The following SLC14A2 variants were observed in gnomAD, a reference collection of about 807,000 sequenced individuals.
SLC14A2 encodes urea transporter 2.
SLC14A2 carries 91 observed loss-of-function variants against 104.6 expected under a neutral mutation model. The ratio of observed to expected loss-of-function variants is 0.87; its 90% CI spans 0.73 to 1.04. SLC14A2 has a LOEUF of 1.04. SLC14A2 is among the 50% of genes least tolerant of loss of function. SLC14A2 has a pLI of 0.00. For synonymous variants in SLC14A2, 476 were observed against 466.4 expected, an observed-to-expected ratio of 1.02 and a Z score of -0.27; for missense variants, 1,189 against 1,156.0, an observed-to-expected ratio of 1.03 and a Z score of -0.41.
chr18:45,328,254 C>T (rs868180305), intron 1 of SLC14A2, among the ~76,000 whole-genome samples: 1 of 152,094 alleles, frequency 6.6e-6, no homozygotes, highest in African/African-American at 2.4e-5. Flanking sequence ...GTCTGCAGAG[C>T]AAAAAGGAAG....
At chr18:45,197,062 G>T in the SLC14A2 span, among the ~76,000 whole-genome samples, 6 of 152,202 alleles carry the variant, frequency 3.9e-5, no homozygotes, top group African/African-American at 1.4e-4. Flanking sequence ...CGGCTCTTCA[G>T]TGTCAAAAGA....
At chr18:45,344,386 CGCTGGCTG>C (rs200853604) in intron 1 of SLC14A2, among the ~76,000 whole-genome samples, 2 of 152,160 alleles carry the variant, frequency 1.3e-5, no homozygotes, top group African/African-American at 2.4e-5. Flanking sequence ...CCCCAAGTTC[CGCTGGCTG>C]GCTGGCTGGC....
intron 10 of SLC14A2, among the ~76,000 whole-genome samples, chr18:45,659,366 T>G (rs2045896099): frequency 6.6e-6 from 1 of 152,224 alleles, no homozygotes; most frequent in African/African-American, 2.4e-5. Flanking sequence ...GTAAACAAAA[T>G]TTACTCTTGA....
intron 1 of SLC14A2, among the ~76,000 whole-genome samples, chr18:45,423,482 T>C (rs1438750489): frequency 6.6e-6 from 1 of 152,150 alleles, no homozygotes; most frequent in African/African-American, 2.4e-5. Context: ...AATGACAACA[T>C]GCACAAACAG....
intron 2 of SLC14A2, among the ~76,000 whole-genome samples, chr18:45,546,960 T>A (rs559717694): frequency 1.3e-5 from 2 of 152,280 alleles, no homozygotes; most frequent in East Asian, 1.9e-4. Flanking sequence ...AGGAAACACA[T>A]AATCAAACCA....
chr18:45,257,324 A>T (rs1251431266), intron 1 of SLC14A2, among the ~76,000 whole-genome samples: 2 of 152,224 alleles, frequency 1.3e-5, no homozygotes, highest in Non-Finnish European at 2.9e-5. Context: ...CACGTAATAG[A>T]CTAAGTTGTC....
At chr18:45,625,538 C>T in intron 2 of SLC14A2, 145 bp from the exon 3 acceptor site, 1 of 566,008 alleles carries the variant, frequency 1.8e-6, no homozygotes, top group Non-Finnish European at 2.9e-6. Context: ...GCACTCTATG[C>T]AGCCGCAGAC....
intron 10 of SLC14A2, among the ~76,000 whole-genome samples, chr18:45,663,267 T>C (rs1371625889): frequency 6.6e-6 from 1 of 152,192 alleles, no homozygotes; most frequent in Non-Finnish European, 1.5e-5. Context: ...ACACGTTGAG[T>C]AGCAAGAGCT....
chr18:45,403,575 T>A (rs1223031377), intron 1 of SLC14A2, among the ~76,000 whole-genome samples: 4 of 152,156 alleles, frequency 2.6e-5, no homozygotes, highest in Non-Finnish European at 5.9e-5. Flanking sequence ...GCTGGAGGGC[T>A]TGTGCAGTGG....
chr18:45,654,225 C>T (rs116186052), intron 10 of SLC14A2, among the ~76,000 whole-genome samples: 11 of 152,012 alleles, frequency 7.2e-5, no homozygotes, highest in Non-Finnish European at 1.5e-4. Context: ...GGCAGACGTG[C>T]GCCAGGCAAC....
chr18:45,479,308 G>C (rs932253289), intron 1 of SLC14A2, among the ~76,000 whole-genome samples: 6 of 152,120 alleles, frequency 3.9e-5, no homozygotes, highest in Non-Finnish European at 8.8e-5. Flanking sequence ...ATTAATGTTT[G>C]TTAATATTAA....
intron 1 of SLC14A2, among the ~76,000 whole-genome samples, chr18:45,405,812 T>A (rs939979123): frequency 2.6e-5 from 4 of 151,440 alleles, no homozygotes; most frequent in African/African-American, 7.3e-5. Flanking sequence ...GGCAGGAGAA[T>A]TGCTTGAACC....
Position 45,669,296 on chromosome 18 carries a change from C to A in SLC14A2, c.2037-10C>A. 1 of 1,607,206 alleles carries A rather than the reference C, an allele frequency of 6.2e-7. No individual in the cohort carries two copies. The highest frequency in any genetic ancestry group is 8.5e-7 in the Non-Finnish European group (1 of 1,176,170). Reference sequence around the variant, plus strand: ...TTCCTGACCAGCATCTCTCATGCTTCTGCCATCAGCCCCATCCTCTCCAGT... The same window carrying A: ...TTCCTGACCAGCATCTCTCATGCTTATGCCATCAGCCCCATCCTCTCCAGT... On this transcript the variant is annotated splice_polypyrimidine_tract_variant and intron_variant, in intron 15 of 19. Coordinates refer to ENST00000255226, the MANE Select transcript of SLC14A2 (RefSeq NM_007163.4).
intron 2 of SLC14A2, among the ~76,000 whole-genome samples, chr18:45,591,571 G>A (rs569107465): frequency 5.1e-4 from 77 of 152,178 alleles, no homozygotes; most frequent in African/African-American, 1.4e-3. Flanking sequence ...TCCTGACCTC[G>A]TGATCCACCC....
chr18:45,528,242 A>G (rs2043627977), intron 2 of SLC14A2: 1 of 151,336 alleles, frequency 6.6e-6, no homozygotes. Flanking sequence ...AATTACTCCC[A>G]AGAGGTATCC....
At chr18:45,474,301 G>A (rs1400007589) in intron 1 of SLC14A2, among the ~76,000 whole-genome samples, 1 of 152,092 alleles carries the variant, frequency 6.6e-6, no homozygotes, top group East Asian at 1.9e-4. Context: ...GAGGATTTTT[G>A]CATCAATGTT....
At chr18:45,517,585 C>G (rs1181964048) in intron 2 of SLC14A2, among the ~76,000 whole-genome samples, 1 of 152,224 alleles carries the variant, frequency 6.6e-6, no homozygotes, top group Non-Finnish European at 1.5e-5. Context: ...TGCTATCCAG[C>G]TTGCCGAATT....
intron 1 of SLC14A2, among the ~76,000 whole-genome samples, chr18:45,251,228 C>A (rs1044595218): frequency 6.6e-6 from 1 of 152,138 alleles, no homozygotes; most frequent in Non-Finnish European, 1.5e-5. Flanking sequence ...ATTCTTATGC[C>A]TTTGCATCCT....
chr18:45,495,849 C>T (rs1359593920), intron 2 of SLC14A2, among the ~76,000 whole-genome samples: 5 of 152,162 alleles, frequency 3.3e-5, no homozygotes, highest in Admixed American at 1.3e-4. Context: ...GGAAAGAACA[C>T]GGAACGCCTA....
Sources: gnomAD v4.1 joint callset for allele counts (sites outside exome capture counted in the v4.1 genomes callset) on GRCh38, gnomAD v4.1.1 for gene constraint, MANE v1.5 for transcripts, NCBI Gene and HGNC (gene_info 2026-07-23, HGNC 2026-07-21) for gene names.